Variants in RAD51B observed in about 807,000 individuals in gnomAD.
RAD51B encodes DNA repair protein RAD51 homolog 2.
In RAD51B, 38 loss-of-function variants were observed where a neutral mutation model predicts 42.2. That is an observed-to-expected ratio of 0.90 (90% CI 0.70 to 1.18). RAD51B has a LOEUF of 1.18. Among genes scored for constraint, RAD51B ranks in the 50% most tolerant of loss-of-function variants. The pLI, the probability that RAD51B is intolerant of heterozygous loss-of-function variation, is 0.00. For missense variants in RAD51B, 373 were observed against 400.7 expected (o/e 0.93, Z 0.59); for synonymous variants, 154 against 145.2 (o/e 1.06, Z -0.43).
At chr14:68,598,698 G>A (rs1891100100), downstream of RAD51B, among the ~76,000 whole-genome samples, 1 of 152,242 alleles carries the variant, frequency 6.6e-6, no homozygotes, top group Non-Finnish European at 1.5e-5. Flanking sequence ...GCTCCAGTGT[G>A]TTCTGGAAGG....
intron 7 of RAD51B, among the ~76,000 whole-genome samples, chr14:68,041,966 A>C (rs2076224978): frequency 1.3e-5 from 2 of 152,206 alleles, no homozygotes; most frequent in South Asian, 4.1e-4. Flanking sequence ...AATCTTCTGG[A>C]AACAGTCAAA....
intron 10 of RAD51B, chr14:68,562,166 C>T: frequency 1.0e-6 from 1 of 985,400 alleles, no homozygotes; most frequent in South Asian, 4.7e-5. Flanking sequence ...AGAGGCAACG[C>T]TTACAACGCA....
At chr14:68,092,253 G>T (rs1247853899) in intron 7 of RAD51B, among the ~76,000 whole-genome samples, 1 of 152,220 alleles carries the variant, frequency 6.6e-6, no homozygotes, top group Non-Finnish European at 1.5e-5. Flanking sequence ...TTGGTAGCTT[G>T]ATGGGGATGG....
intron 4 of RAD51B, among the ~76,000 whole-genome samples, chr14:67,849,369 C>T (rs1380281229): frequency 6.6e-6 from 1 of 152,134 alleles, no homozygotes; most frequent in Admixed American, 6.5e-5. Flanking sequence ...GCAACCTTCA[C>T]CTCCCGGGTT....
chr14:68,109,762 G>A (rs2077432039), intron 7 of RAD51B, among the ~76,000 whole-genome samples: 2 of 151,938 alleles, frequency 1.3e-5, no homozygotes, highest in African/African-American at 4.8e-5. Flanking sequence ...GTGGGCAGCA[G>A]TACTTGATAA....
At chr14:68,380,841 G>T (rs957903078) in intron 8 of RAD51B, among the ~76,000 whole-genome samples, 5 of 152,232 alleles carry the variant, frequency 3.3e-5, no homozygotes, top group African/African-American at 1.2e-4. Flanking sequence ...GCTGTGATTT[G>T]TGTACACCCA....
intron 7 of RAD51B, among the ~76,000 whole-genome samples, chr14:68,201,582 A>G (rs1432056752): frequency 2.0e-5 from 3 of 152,244 alleles, no homozygotes. Flanking sequence ...CCAGACCATT[A>G]GCAAGTAAGT....
intron 7 of RAD51B, among the ~76,000 whole-genome samples, chr14:68,146,013 A>G (rs573725223): frequency 1.5e-4 from 22 of 151,068 alleles, no homozygotes; most frequent in African/African-American, 4.9e-4. Flanking sequence ...GTCTGAGTAT[A>G]GGTAGAAGTT....
chr14:68,363,340 A>G (rs2083070482), intron 8 of RAD51B, among the ~76,000 whole-genome samples: 1 of 152,276 alleles, frequency 6.6e-6, no homozygotes. Context: ...GTGATTAAAC[A>G]ATAAAGTGAT....
intron 8 of RAD51B, among the ~76,000 whole-genome samples, chr14:68,336,449 T>C (rs538521486): frequency 1.3e-5 from 2 of 152,356 alleles, no homozygotes; most frequent in African/African-American, 2.4e-5. Flanking sequence ...TTGGTATACA[T>C]GGGGGCTACC....
intron 7 of RAD51B, among the ~76,000 whole-genome samples, chr14:68,004,249 C>T (rs1324463886): frequency 6.9e-6 from 1 of 145,414 alleles, no homozygotes; most frequent in East Asian, 2.1e-4. Flanking sequence ...AGGAGAACGG[C>T]GTGAACCCGG....
At chr14:67,922,024 A>G (rs1231639526) in intron 7 of RAD51B, among the ~76,000 whole-genome samples, 1 of 152,216 alleles carries the variant, frequency 6.6e-6, no homozygotes, top group African/African-American at 2.4e-5. Flanking sequence ...TTCTGTGTTC[A>G]GGTGCTTTCA....
At chr14:68,448,347 C>T (rs2085471533) in intron 9 of RAD51B, among the ~76,000 whole-genome samples, 1 of 152,154 alleles carries the variant, frequency 6.6e-6, no homozygotes, top group African/African-American at 2.4e-5. Context: ...GGCATTTAAG[C>T]CACTAAAGCT....
chr14:68,676,825 G>C (rs924761443), intron 11 of RAD51B, among the ~76,000 whole-genome samples: 1 of 152,232 alleles, frequency 6.6e-6, no homozygotes, highest in African/African-American at 2.4e-5. Context: ...GATGACGGGC[G>C]TCCCCGCCCA....
At chr14:68,322,107 T>C (rs1187703682) in intron 8 of RAD51B, among the ~76,000 whole-genome samples, 1 of 152,152 alleles carries the variant, frequency 6.6e-6, no homozygotes. Flanking sequence ...CTTAGAACAG[T>C]GCTTAGCATG....
intron 8 of RAD51B, among the ~76,000 whole-genome samples, chr14:68,337,084 G>A (rs778860887): frequency 4.6e-5 from 7 of 152,078 alleles, no homozygotes; most frequent in Non-Finnish European, 7.4e-5. Flanking sequence ...CATAATTTGA[G>A]TGTTAATCTT....
chr14:67,949,229 G>A (rs28757308), intron 7 of RAD51B, among the ~76,000 whole-genome samples: 9,090 of 152,192 alleles, frequency 0.06, 637 homozygotes, highest in African/African-American at 0.17. Context: ...CTACTTGATA[G>A]CATTTTACTC....
intron 7 of RAD51B, among the ~76,000 whole-genome samples, chr14:68,136,492 C>T (rs1166714291): frequency 3.5e-5 from 2 of 56,440 alleles, no homozygotes; most frequent in African/African-American, 7.5e-5. Context: ...GCAGGAGAAT[C>T]GCTTGAACCC....
intron 7 of RAD51B, among the ~76,000 whole-genome samples, chr14:67,924,364 T>C (rs954130710): frequency 2.6e-5 from 4 of 152,210 alleles, no homozygotes; most frequent in African/African-American, 9.6e-5. Context: ...GTTCAGGTCT[T>C]AGATTTAAGT....
Sources: gnomAD v4.1 joint callset for allele counts (sites outside exome capture counted in the v4.1 genomes callset) on GRCh38, gnomAD v4.1.1 for gene constraint, MANE v1.5 for transcripts, NCBI Gene and HGNC (gene_info 2026-07-23, HGNC 2026-07-21) for gene names.